The following SPC24 variants were observed in gnomAD, a reference collection of about 807,000 sequenced individuals.
SPC24 encodes SPC24 component of NDC80 kinetochore complex, also known as kinetochore protein Spc24.
Under a neutral mutation model 27.6 loss-of-function variants are expected in SPC24, and 31 were observed. The observed-to-expected ratio is 1.12, with a 90% confidence interval of 0.84 to 1.52. The LOEUF (loss-of-function observed/expected upper bound fraction) is 1.52. SPC24 is among the 40% of genes most tolerant of loss of function. The pLI is 0.00. For synonymous variants in SPC24, 105 were observed against 105.8 expected (o/e 0.99, Z 0.05); for missense variants, 284 against 252.5 (o/e 1.12, Z -0.84).
In SPC24 at chr19:11,147,233, T is replaced by C. The variant is rs1253613999; in HGVS notation, c.544A>G (p.Arg182Gly). The change falls in exon 5 of 5, where the codon AGG becomes GGG. Residue 182 changes from arginine (R) to glycine (G), a missense_variant. Arg to Gly is a moderately radical substitution (Grantham distance 125). Transcript: ENST00000592540. ...CAGAGGTAGTCGCTGATGAATTTCCTGGAGAGCTGGGTGCTGTCCAGGTGG... is the reference window on the plus strand; with the variant it reads ...CAGAGGTAGTCGCTGATGAATTTCCCGGAGAGCTGGGTGCTGTCCAGGTGG... ...PIHLDSTQLSRKFISDYLWSL... is the reference protein window; with the variant it reads ...PIHLDSTQLSGKFISDYLWSL... 5 of 1,563,674 alleles carry C rather than the reference T, an allele frequency of 3.2e-6. No homozygotes were observed. The highest frequency in any genetic ancestry group is 3.3e-4 in the Middle Eastern group (2 of 5,996).
Position 11,147,879 on chromosome 19 carries a change from A to C in SPC24, c.426T>G (p.Leu142=). 1 of 1,599,666 alleles carries C rather than the reference A, an allele frequency of 6.3e-7. No homozygotes were observed. Among genetic ancestry groups the C allele is most frequent in the South Asian group, 1.1e-5 (1 of 89,526 alleles). ...TIPSAVYVAQ[L]YHQVSKIEWD... ...ACTCAATTTTACTAACTTGGTGGTAAAGTTGAGCCACGTACCTGTACAGGA... is the reference window on the plus strand; with the variant it reads ...ACTCAATTTTACTAACTTGGTGGTACAGTTGAGCCACGTACCTGTACAGGA... Residue 142 remains leucine, a synonymous_variant, in exon 4 of 5, where the codon CTT becomes CTG. Transcript: ENST00000592540.
chr19:11,148,257 G>T, intron 2 of SPC24, 140 bp from the exon 3 acceptor site: 2 of 630,362 alleles, frequency 3.2e-6, no homozygotes, highest in Non-Finnish European at 5.6e-6. Context: ...ACCCAGGCTG[G>T]AGTGCAGTGG....
Position 11,146,961 on chromosome 19 carries a change from TC to T in SPC24, c.*221del. On this transcript the variant is annotated 3_prime_UTR_variant, in exon 5 of 5. Coordinates refer to ENST00000592540, the MANE Select transcript of SPC24 (RefSeq NM_182513.4). ...TGGGTGTGGTGGCGCATGCCTGTAA[TC>T]CCAGCTACTTTGGAGGCTGAGGCAG... is the stretch of plus-strand genomic sequence containing the variant. 3.4e-6 allele frequency: 1 copy of T among 296,980 alleles called. No individual in the cohort carries two copies. 18.4% of individuals were successfully genotyped at this position (296,980 alleles called of 1,614,324 possible). A position where few individuals can be genotyped will look rare whatever the true frequency, so the allele number is the denominator to read the frequency against.
At chr19:11,147,983 C>T (rs756103683) in intron 3 of SPC24, 30 bp downstream of exon 3, 1 of 1,608,186 alleles carries the variant, frequency 6.2e-7, no homozygotes. Flanking sequence ...CAAGGAGGCA[C>T]AGGCAGGCAC....
rs58845884 is a variant in SPC24 at position 11,147,908 on chromosome 19, C to CAA, written c.411-16_411-15dup. ...TGAGCCACGTACCTGTACAGGAAGACAAAAAAAAAAAAAAAAAAAAAAGAA... is the reference window on the plus strand; with the variant it reads ...TGAGCCACGTACCTGTACAGGAAGACAAAAAAAAAAAAAAAAAAAAAAAAGAA... On this transcript the variant is annotated splice_polypyrimidine_tract_variant and intron_variant, in intron 3 of 4. Coordinates refer to ENST00000592540, the MANE Select transcript of SPC24 (RefSeq NM_182513.4). The CAA allele has an allele frequency of 5.9e-3, 6,512 of 1,106,424 alleles. 19 individuals carry two copies. The highest frequency in any genetic ancestry group is 0.021 in the African/African-American group (947 of 45,598). The allele number at this position is 1,106,424 out of a possible 1,614,324, so 68.5% of individuals were successfully genotyped here.
Position 11,147,097 on chromosome 19 carries a change from A to AAT in SPC24, c.*85_*86insAT. On this transcript the variant is annotated 3_prime_UTR_variant, in exon 5 of 5. Transcript: ENST00000592540. ...CTCTGTCTCAAAAAAAAAAAAAAAA[A>AAT]GATCTATGTCCCCACATTTCATTTG... The AAT allele has an allele frequency of 8.1e-6, 6 of 742,576 alleles. No homozygotes were observed. Among genetic ancestry groups the AAT allele is most frequent in the East Asian group, 3.1e-5 (1 of 32,480 alleles). The allele number at this position is 742,576 out of a possible 1,614,324, so 46.0% of individuals were successfully genotyped here.
At chr19:11,151,492 G>A (rs185477099) in intron 1 of SPC24, among the ~76,000 whole-genome samples, 5 of 152,186 alleles carry the variant, frequency 3.3e-5, no homozygotes, top group African/African-American at 7.2e-5. Flanking sequence ...CTGTCTGTCC[G>A]CCCTCCCGAA....
At chr19:11,147,969 T>C in intron 3 of SPC24, 44 bp downstream of exon 3, 1 of 1,595,742 alleles carries the variant, frequency 6.3e-7, no homozygotes, top group Non-Finnish European at 8.6e-7. Flanking sequence ...AGAGCCGGAC[T>C]GCACAAGGAG....
chr19:11,147,409 G>A, intron 4 of SPC24, 120 bp from the exon 5 acceptor site: 1 of 654,680 alleles, frequency 1.5e-6, no homozygotes, highest in Non-Finnish European at 2.6e-6. Context: ...AGGCCAGGCT[G>A]GAGTACAGTG....
rs58845884 is a variant in SPC24, at chr19:11,147,908, CAAAAAA to C, written c.411-20_411-15del. The stretch of plus-strand genomic sequence containing the variant: ...TGAGCCACGTACCTGTACAGGAAGA[CAAAAAA>C]AAAAAAAAAAAAAAAAGAAAGTTAC... On this transcript the variant is annotated splice_polypyrimidine_tract_variant and intron_variant, in intron 3 of 4. Coordinates refer to ENST00000592540, the MANE Select transcript of SPC24 (RefSeq NM_182513.4). 2,771 of 1,112,526 alleles carry C rather than the reference CAAAAAA, an allele frequency of 2.5e-3. No homozygotes were observed. The highest frequency in any genetic ancestry group is 4.6e-3 in the Middle Eastern group (18 of 3,946). The allele number at this position is 1,112,526 out of a possible 1,614,324, so 68.9% of individuals were successfully genotyped here. A position where few individuals can be genotyped will look rare whatever the true frequency, so the allele number is the denominator to read the frequency against.
At chr19:11,150,140 T>G (rs147434609) in intron 1 of SPC24, among the ~76,000 whole-genome samples, 1,770 of 136,964 alleles carry the variant, frequency 0.013, 46 homozygotes, top group East Asian at 0.12. Flanking sequence ...TGAGCCGAGA[T>G]CGTGCCACTG....
chr19:11,150,047 TGTG>T (rs1600788865), intron 1 of SPC24, among the ~76,000 whole-genome samples: 1 of 149,916 alleles, frequency 6.7e-6, no homozygotes, highest in East Asian at 2.0e-4. Context: ...ATTAGCCAGG[TGTG>T]GTGGCAGGCG....
At chr19:11,154,618 A>C (rs2059589930) in intron 1 of SPC24, among the ~76,000 whole-genome samples, 1 of 152,204 alleles carries the variant, frequency 6.6e-6, no homozygotes, top group African/African-American at 2.4e-5. Flanking sequence ...TGCTCCATGA[A>C]ATAAGCCAGA....
At chr19:11,155,575 G>A (rs762765780) in intron 1 of SPC24, 42 bp downstream of exon 1, 3 of 1,521,718 alleles carry the variant, frequency 2.0e-6, no homozygotes, top group South Asian at 2.4e-5. Context: ...CAGCACCCGG[G>A]CCCCTTCCCC....
In SPC24 at chr19:11,145,807, T is replaced by C. The variant is rs1187291292; in HGVS notation, c.*1376A>G. The C allele has an allele frequency of 6.6e-6, 1 of 152,222 alleles. No homozygotes were observed. Among genetic ancestry groups the C allele is most frequent in the East Asian group, 1.9e-4 (1 of 5,202 alleles). The allele number at this position is 152,222 out of a possible 1,614,324, so 9.4% of individuals were successfully genotyped here. On this transcript the variant is annotated 3_prime_UTR_variant, in exon 5 of 5. Transcript: ENST00000592540. Reference sequence around the variant, plus strand: ...ATCCTTCTAGAAGTGTCATGTAACATTTCCACATACATTTCACTGGCCAGA... The same window carrying C: ...ATCCTTCTAGAAGTGTCATGTAACACTTCCACATACATTTCACTGGCCAGA...
chr19:11,149,712 C>CTT (rs546646293), intron 1 of SPC24, among the ~76,000 whole-genome samples: 7 of 140,590 alleles, frequency 5.0e-5, no homozygotes, highest in South Asian at 2.3e-4. Context: ...AAAACCCTGT[C>CTT]TTTTTTTTTT....
chr19:11,154,248 C>T (rs1272944951), intron 1 of SPC24, among the ~76,000 whole-genome samples: 2 of 151,780 alleles, frequency 1.3e-5, no homozygotes, highest in African/African-American at 4.8e-5. Context: ...TTAAAATGGA[C>T]GGAAATTCTG....
rs763423937 is a variant in SPC24 at position 11,148,098 on chromosome 19, C to T, written c.325G>A (p.Glu109Lys). 1.2e-6 allele frequency: 2 copies of T among 1,613,722 alleles called. No homozygotes were observed. Among genetic ancestry groups the T allele is most frequent in the Non-Finnish European group, 1.7e-6 (2 of 1,179,784 alleles). Residue 109 changes from glutamate to lysine, a missense_variant, in exon 3 of 5, where the codon GAA becomes AAA. Coordinates refer to ENST00000592540, the MANE Select transcript of SPC24 (RefSeq NM_182513.4). ...TCCGCCTCAATCTCCTTGAGCTCTTCCAGCTCTCTGGTGAGCTGAGTAGGG... is the reference window on the plus strand; with the variant it reads ...TCCGCCTCAATCTCCTTGAGCTCTTTCAGCTCTCTGGTGAGCTGAGTAGGG... Reference protein sequence around the residue: ...ASLLQLTRELEELKEIEADLE... With the variant: ...ASLLQLTRELKELKEIEADLE...
At position 11,153,650 on chromosome 19, in the gene SPC24, C is replaced by T. The variant is rs540158029; in HGVS notation, c.160+1967G>A. 2.6e-5 allele frequency among the ~76,000 whole-genome samples: 4 copies of T among 151,792 alleles called. No homozygotes were observed. In the South Asian group the frequency reaches 8.3e-4, roughly 32 times the overall value. The stretch of plus-strand genomic sequence containing the variant: ...TGGCACGTGCCTGTAATCCCAGCTA[C>T]TTGGCAGGCTGAGGCAGGAGAATTG... On this transcript the variant is annotated intron_variant, in intron 1 of 4. Transcript: ENST00000592540.
Sources: gnomAD v4.1 joint callset for allele counts (sites outside exome capture counted in the v4.1 genomes callset) on GRCh38, gnomAD v4.1.1 for gene constraint, MANE v1.5 for transcripts, NCBI Gene and HGNC (gene_info 2026-07-23, HGNC 2026-07-21) for gene names.